Variants in ARB2A observed in about 807,000 individuals in gnomAD.
ARB2A encodes the protein ARB2 cotranscriptional regulator A.
the ARB2A span, among the ~76,000 whole-genome samples, chr5:93,998,991 G>T: frequency 6.6e-6 from 1 of 151,814 alleles, no homozygotes; most frequent in Non-Finnish European, 1.5e-5. Context: ...TTTGTTTCTG[G>T]CACAGAAAAA....
the ARB2A span, among the ~76,000 whole-genome samples, chr5:94,085,717 A>C: frequency 6.6e-6 from 1 of 152,330 alleles, no homozygotes; most frequent in African/African-American, 2.4e-5. Flanking sequence ...GGCTACAACA[A>C]ATGGAAAAAA....
the ARB2A span, among the ~76,000 whole-genome samples, chr5:93,867,894 A>G: frequency 6.6e-6 from 1 of 152,190 alleles, no homozygotes; most frequent in Non-Finnish European, 1.5e-5. Context: ...TAAATTAATG[A>G]AAATATTACT....
At chr5:94,099,375 A>G in the ARB2A span, among the ~76,000 whole-genome samples, 2 of 152,118 alleles carry the variant, frequency 1.3e-5, no homozygotes, top group Non-Finnish European at 2.9e-5. Context: ...CTGTAATCCC[A>G]GCACTTTGGG....
At chr5:93,846,000 G>GACACACACACACAC in the ARB2A span, among the ~76,000 whole-genome samples, 2 of 146,668 alleles carry the variant, frequency 1.4e-5, no homozygotes, top group African/African-American at 2.5e-5. Context: ...CTCTCTCTGT[G>GACACACACACACAC]ACACACACAC....
chr5:93,643,386 T>C, the ARB2A span, among the ~76,000 whole-genome samples: 3 of 152,188 alleles, frequency 2.0e-5, no homozygotes, highest in Admixed American at 1.3e-4. Flanking sequence ...ATCAATAGAT[T>C]ACAGAAGTCC....
the ARB2A span, among the ~76,000 whole-genome samples, chr5:93,637,361 T>G: frequency 6.7e-6 from 1 of 149,388 alleles, no homozygotes; most frequent in Non-Finnish European, 1.5e-5. Context: ...TTAGTTTTTT[T>G]TTTTTTTTTT....
At chr5:93,759,065 C>T in the ARB2A span, among the ~76,000 whole-genome samples, 2 of 151,942 alleles carry the variant, frequency 1.3e-5, no homozygotes, top group South Asian at 2.1e-4. Flanking sequence ...AAACAGGAGA[C>T]ATTACAACTG....
chr5:93,735,702 T>C, the ARB2A span: 3 of 152,252 alleles, frequency 2.0e-5, no homozygotes, highest in Non-Finnish European at 4.4e-5. Flanking sequence ...CTATAGAATC[T>C]AAAGCTAAGC....
the ARB2A span, among the ~76,000 whole-genome samples, chr5:93,652,672 C>A: frequency 3.3e-5 from 5 of 152,254 alleles, no homozygotes; most frequent in Non-Finnish European, 5.9e-5. Context: ...CCATGGAACT[C>A]TGGCTTTGTA....
At chr5:93,639,087 T>A in the ARB2A span, among the ~76,000 whole-genome samples, 1 of 152,204 alleles carries the variant, frequency 6.6e-6, no homozygotes, top group Non-Finnish European at 1.5e-5. Context: ...GAATAAAATA[T>A]CACATAAAGT....
the ARB2A span, among the ~76,000 whole-genome samples, chr5:94,046,079 C>G: frequency 6.6e-6 from 1 of 152,028 alleles, no homozygotes; most frequent in Non-Finnish European, 1.5e-5. Flanking sequence ...AGGGAGAAAA[C>G]AGTGTAAGAT....
chr5:93,924,943 A>T, the ARB2A span, among the ~76,000 whole-genome samples: 1 of 152,134 alleles, frequency 6.6e-6, no homozygotes, highest in Admixed American at 6.5e-5. Flanking sequence ...TATAAAATAA[A>T]TGTAGACCTT....
chr5:94,026,682 T>C, the ARB2A span, among the ~76,000 whole-genome samples: 3 of 152,108 alleles, frequency 2.0e-5, no homozygotes, highest in Non-Finnish European at 4.4e-5. Context: ...GTACGCCAAA[T>C]GGGAAGACAA....
the ARB2A span, among the ~76,000 whole-genome samples, chr5:93,684,716 C>CT: frequency 1.3e-5 from 2 of 152,074 alleles, no homozygotes; most frequent in East Asian, 3.8e-4. Flanking sequence ...GAATAGAGTT[C>CT]TTTTTATTTC....
At chr5:93,926,250 CTCCCG>C in the ARB2A span, among the ~76,000 whole-genome samples, 5 of 151,924 alleles carry the variant, frequency 3.3e-5, no homozygotes, top group Non-Finnish European at 7.4e-5. Context: ...CTGCCTCAGT[CTCCCG>C]AGTAGCTGGG....
At chr5:94,081,028 A>G in the ARB2A span, among the ~76,000 whole-genome samples, 13,914 of 152,302 alleles carry the variant, frequency 0.091, 794 homozygotes, top group Middle Eastern at 0.16. Flanking sequence ...AAGTGGGCAG[A>G]TTATATAAGT....
chr5:93,823,939 G>A, the ARB2A span, among the ~76,000 whole-genome samples: 1 of 151,948 alleles, frequency 6.6e-6, no homozygotes, highest in Non-Finnish European at 1.5e-5. Context: ...TGGCGACAGA[G>A]ACTCTGTCTC....
the ARB2A span, among the ~76,000 whole-genome samples, chr5:93,685,024 T>C: frequency 6.6e-6 from 1 of 152,230 alleles, no homozygotes; most frequent in South Asian, 2.1e-4. Flanking sequence ...TAAAGAGTTA[T>C]ATTTCTGTAA....
chr5:93,983,139 C>G, the ARB2A span, among the ~76,000 whole-genome samples: 2 of 150,092 alleles, frequency 1.3e-5, no homozygotes, highest in African/African-American at 4.9e-5. Flanking sequence ...CATTGTTGAC[C>G]ACATCATTAT....
Sources: gnomAD v4.1 joint callset for allele counts (sites outside exome capture counted in the v4.1 genomes callset) on GRCh38, gnomAD v4.1.1 for gene constraint, MANE v1.5 for transcripts, NCBI Gene and HGNC (gene_info 2026-07-23, HGNC 2026-07-21) for gene names.